RNASEH2B: variants seen among roughly 807,000 people sequenced by gnomAD.
RNASEH2B encodes the protein ribonuclease H2 subunit B, also known as Aicardi-Goutieres syndrome 2 protein.
RNASEH2B carries 36 observed loss-of-function variants against 45.0 expected under a neutral mutation model. The ratio of observed to expected loss-of-function variants is 0.80; its 90% CI spans 0.61 to 1.06. The LOEUF (loss-of-function observed/expected upper bound fraction) is 1.06. Ranked by LOEUF, RNASEH2B falls within the 50% of genes least tolerant of loss-of-function variation. RNASEH2B has a pLI of 0.00. For synonymous variants in RNASEH2B, 119 were observed against 125.7 expected (o/e 0.95, Z 0.35); for missense variants, 361 against 360.3 (o/e 1.00, Z -0.02).
At chr13:50,935,250 ACTT>A (rs1278110531) in intron 5 of RNASEH2B, 6 of 497,022 alleles carry the variant, frequency 1.2e-5, no homozygotes, top group South Asian at 2.4e-5. Context: ...CTTCAGTCTC[ACTT>A]CTTCTTTGAA....
intron 2 of RNASEH2B, among the ~76,000 whole-genome samples, chr13:50,929,079 C>T (rs1181527641): frequency 1.3e-5 from 2 of 151,972 alleles, no homozygotes; most frequent in East Asian, 3.9e-4. Flanking sequence ...CCTGTCAGAC[C>T]CTGTGTGGGG....
intron 7 of RNASEH2B, among the ~76,000 whole-genome samples, chr13:50,947,033 C>G (rs1237056002): frequency 9.2e-5 from 14 of 152,092 alleles, no homozygotes; most frequent in Admixed American, 9.2e-4. Context: ...AGACGGCAGT[C>G]ATTTTCTATG....
chr13:50,961,553 C>T (rs929902324), downstream of RNASEH2B, among the ~76,000 whole-genome samples: 2 of 152,066 alleles, frequency 1.3e-5, no homozygotes, highest in African/African-American at 4.8e-5. Context: ...CCTGCTTCTG[C>T]GACTGGAGTT....
chr13:50,940,664 A>G (rs1013178018), intron 5 of RNASEH2B, among the ~76,000 whole-genome samples: 2 of 152,304 alleles, frequency 1.3e-5, no homozygotes, highest in African/African-American at 2.4e-5. Context: ...TTTTAGACAC[A>G]TGGAGGCTTA....
chr13:50,926,814 T>TA (rs1243945325), intron 1 of RNASEH2B, among the ~76,000 whole-genome samples: 2 of 141,468 alleles, frequency 1.4e-5, no homozygotes, highest in African/African-American at 5.3e-5. Flanking sequence ...CCTTAGTATA[T>TA]AAAGATACCT....
intron 1 of RNASEH2B, chr13:50,911,188 G>A (rs1465433062): frequency 1.3e-5 from 2 of 152,212 alleles, no homozygotes; most frequent in Non-Finnish European, 2.9e-5. Flanking sequence ...GATAGCCCCA[G>A]GAACCTCTAT....
chr13:50,920,398 G>A (rs997213979), intron 1 of RNASEH2B, among the ~76,000 whole-genome samples: 2 of 152,166 alleles, frequency 1.3e-5, no homozygotes, highest in African/African-American at 4.8e-5. Flanking sequence ...ATGGTGACCG[G>A]TGGGATATAC....
At chr13:50,939,356 C>CAAAAAA (rs71190394) in intron 5 of RNASEH2B, among the ~76,000 whole-genome samples, 2 of 145,582 alleles carry the variant, frequency 1.4e-5, no homozygotes, top group Non-Finnish European at 3.0e-5. Flanking sequence ...GACTCTGTTT[C>CAAAAAA]AAAAGAAAAA....
At chr13:50,931,248 A>G (rs1034450880) in intron 4 of RNASEH2B, among the ~76,000 whole-genome samples, 8 of 152,266 alleles carry the variant, frequency 5.3e-5, no homozygotes, top group African/African-American at 1.7e-4. Context: ...TTACCTTTGG[A>G]ATAGAAATAA....
rs750077795 is a variant in RNASEH2B at position 50,947,992 on chromosome 13, T to G, written c.622T>G (p.Tyr208Asp). 6.2e-7 allele frequency: 1 copy of G among 1,610,582 alleles called. No individual in the cohort carries two copies. The highest frequency in any genetic ancestry group is 1.1e-5 in the South Asian group (1 of 91,038). ...CCTCCTTCTGTTTCTTTCAGAGGAT[T>G]ATATTCGTTATGCCCATGGTCTGAT... ...DQASTDKEED[Y>D]IRYAHGLISD... The change falls in exon 8 of 11, where the codon TAT becomes GAT. Residue 208 changes from tyrosine (Y) to aspartate (D), a missense_variant. Coordinates refer to ENST00000336617, the MANE Select transcript of RNASEH2B (RefSeq NM_024570.4).
At chr13:50,953,578 T>G (rs1952002809) in intron 9 of RNASEH2B, 1 of 367,632 alleles carries the variant, frequency 2.7e-6, no homozygotes, top group Non-Finnish European at 5.0e-6. Flanking sequence ...GTGCCTTGCA[T>G]TCATCTGGTA....
At chr13:50,917,652 T>C (rs1879818089) in intron 1 of RNASEH2B, among the ~76,000 whole-genome samples, 1 of 152,170 alleles carries the variant, frequency 6.6e-6, no homozygotes, top group South Asian at 2.1e-4. Context: ...AAGTAATCTG[T>C]CAACATACAA....
At chr13:50,953,596 A>G (rs763538327) in intron 9 of RNASEH2B, 19 of 410,078 alleles carry the variant, frequency 4.6e-5, no homozygotes, top group Non-Finnish European at 8.0e-5. Flanking sequence ...GTAATTAGCA[A>G]TCCCCTCATG....
intron 5 of RNASEH2B, among the ~76,000 whole-genome samples, chr13:50,940,330 C>G (rs1951818965): frequency 6.6e-6 from 1 of 152,144 alleles, no homozygotes; most frequent in Admixed American, 6.5e-5. Flanking sequence ...ATACATTTTT[C>G]CAAACTCCTC....
chr13:50,909,852 C>A lies in RNASEH2B; in HGVS notation c.-225C>A. On this transcript the variant is annotated 5_prime_UTR_variant, in exon 1 of 11. Transcript: ENST00000336617. ...CCCGTTGCCTGCGGCCACCGGCCGG[C>A]ATTCAGAGCCCCTCGCCTGGCGCTA... 1 of 416,514 alleles carries A rather than the reference C, an allele frequency of 2.4e-6. No individual in the cohort carries two copies. Among genetic ancestry groups the A allele is most frequent in the Non-Finnish European group, 4.3e-6 (1 of 234,344 alleles). 25.8% of individuals were successfully genotyped at this position (416,514 alleles called of 1,614,324 possible). A position where few individuals can be genotyped will look rare whatever the true frequency, so the allele number is the denominator to read the frequency against.
chr13:50,964,655 A>G (rs927204035), intron 9 of RNASEH2B, among the ~76,000 whole-genome samples: 1 of 152,110 alleles, frequency 6.6e-6, no homozygotes, highest in Non-Finnish European at 1.5e-5. Flanking sequence ...TGAGTACATG[A>G]TAGTCAGACA....
At chr13:50,916,553 G>A (rs950868289) in intron 1 of RNASEH2B, among the ~76,000 whole-genome samples, 2 of 152,174 alleles carry the variant, frequency 1.3e-5, no homozygotes, top group Non-Finnish European at 2.9e-5. Context: ...AGTGGATAAA[G>A]ATTGAAAATA....
chr13:50,917,474 A>G (rs1879809200), intron 1 of RNASEH2B, among the ~76,000 whole-genome samples: 2 of 152,192 alleles, frequency 1.3e-5, no homozygotes, highest in South Asian at 4.1e-4. Context: ...CAAAGTTTGT[A>G]TAATTTTTAG....
intron 4 of RNASEH2B, 72 bp downstream of exon 4, chr13:50,930,831 C>T (rs1951672559): frequency 9.2e-7 from 1 of 1,091,076 alleles, no homozygotes; most frequent in Admixed American, 1.7e-5. Context: ...TCCTCTCTCT[C>T]CTTTTAATGA....
Sources: gnomAD v4.1 joint callset for allele counts (sites outside exome capture counted in the v4.1 genomes callset) on GRCh38, gnomAD v4.1.1 for gene constraint, MANE v1.5 for transcripts, NCBI Gene and HGNC (gene_info 2026-07-23, HGNC 2026-07-21) for gene names.